ALG9: variants seen among roughly 807,000 people sequenced by gnomAD.
ALG9 encodes alpha-1,2-mannosyltransferase ALG9.
Under a neutral mutation model 81.8 loss-of-function variants are expected in ALG9, and 55 were observed. The ratio of observed to expected loss-of-function variants is 0.67; its 90% confidence interval spans 0.54 to 0.84. ALG9 has a LOEUF of 0.84. Among genes scored for constraint, ALG9 ranks in the 40% least tolerant of loss-of-function variants. The pLI, the probability that ALG9 is intolerant of heterozygous loss-of-function variation, is 0.00. For missense variants in ALG9, 629 were observed against 745.0 expected, an observed-to-expected ratio of 0.84 and a Z score of 1.81; for synonymous variants, 278 against 274.3, an observed-to-expected ratio of 1.01 and a Z score of -0.13.
intron 14 of ALG9, among the ~76,000 whole-genome samples, chr11:111,790,030 T>G (rs1679978476): frequency 1.3e-5 from 2 of 151,930 alleles, no homozygotes; most frequent in Admixed American, 6.6e-5. Flanking sequence ...AAAAAAAGAA[T>G]AATAATAAAA....
At chr11:111,794,078 T>G (rs1947874050) in intron 14 of ALG9, among the ~76,000 whole-genome samples, 1 of 152,170 alleles carries the variant, frequency 6.6e-6, no homozygotes, top group Admixed American at 6.5e-5. Flanking sequence ...ACAGCATAAT[T>G]AGCTCACGGC....
Position 111,838,294 on chromosome 11 carries a change from G to A in ALG9, c.1279C>T (p.Leu427=), listed in dbSNP as rs782543838. The part of the protein sequence containing the change: ...SNWLALGTVF[L]FGLLSFSRSV... The stretch of plus-strand genomic sequence containing the variant: ...CGAGAAAATGACAAGAGCCCAAACA[G>A]GAAGACAGTTCCTAATGCCAGCCAA... Residue 427 remains leucine (L), a synonymous_variant, in exon 11 of 15, where the codon CTG becomes TTG. Transcript: ENST00000616540. 6.2e-7 allele frequency: 1 copy of A among 1,614,142 alleles called. No individual in the cohort carries two copies. The highest frequency in any genetic ancestry group is 8.5e-7 in the Non-Finnish European group (1 of 1,180,018).
chr11:111,837,602 G>C lies in ALG9; in HGVS notation c.1338C>G (p.Pro446=), dbSNP rs782438743. The C allele has an allele frequency of 6.2e-7, 1 of 1,614,074 alleles. No individual in the cohort carries two copies. The highest frequency in any genetic ancestry group is 8.5e-7 in the Non-Finnish European group (1 of 1,179,960). ...GGTAAAATTCTGGATACAAATCAAG[G>C]GGCCCGTGATATCCTGGAAGGGAGA... ...SVALFRGYHG[P]LDLYPEFYRI... The change falls in exon 12 of 15, where the codon CCC becomes CCG. Residue 446 remains proline (P), a synonymous_variant. Coordinates refer to ENST00000616540, the MANE Select transcript of ALG9 (RefSeq NM_024740.2).
At chr11:111,807,812 G>A (rs1950149202) in intron 14 of ALG9, among the ~76,000 whole-genome samples, 1 of 152,158 alleles carries the variant, frequency 6.6e-6, no homozygotes, top group African/African-American at 2.4e-5. Flanking sequence ...TTTTTGTTAA[G>A]GCTGGGCACC....
At chr11:111,844,504 T>C in intron 9 of ALG9, 97 bp downstream of exon 9, 1 of 1,546,740 alleles carries the variant, frequency 6.5e-7, no homozygotes, top group Non-Finnish European at 8.9e-7. Context: ...AGGAAGAATG[T>C]GGAAAATAAA....
At chr11:111,864,159 G>C in intron 4 of ALG9, 1 of 541,888 alleles carries the variant, frequency 1.8e-6, no homozygotes, top group Non-Finnish European at 3.4e-6. Flanking sequence ...AAAAGAAAAA[G>C]AAGAGAACAA....
At chr11:111,864,750 G>C (rs1406311800) in intron 4 of ALG9, among the ~76,000 whole-genome samples, 1 of 151,640 alleles carries the variant, frequency 6.6e-6, no homozygotes, top group African/African-American at 2.4e-5. Context: ...ATATATATCA[G>C]GAGCTAGGAG....
intron 8 of ALG9, chr11:111,849,920 G>A (rs1367032932): frequency 2.0e-5 from 3 of 152,194 alleles, no homozygotes; most frequent in Non-Finnish European, 4.4e-5. Flanking sequence ...CCTGGAGCAG[G>A]AGACTCTTGT....
chr11:111,843,451 T>A (rs1956517987), intron 9 of ALG9, among the ~76,000 whole-genome samples: 1 of 152,214 alleles, frequency 6.6e-6, no homozygotes, highest in East Asian at 1.9e-4. Context: ...AATGGCATTA[T>A]GGCTACGTTG....
chr11:111,816,318 T>C (rs570241278), intron 13 of ALG9, among the ~76,000 whole-genome samples: 100 of 152,318 alleles, frequency 6.6e-4, no homozygotes, highest in Middle Eastern at 3.4e-3. Context: ...CATGTCCTTG[T>C]TCTTTTCTTT....
chr11:111,850,693 C>A (rs958332550), intron 8 of ALG9, among the ~76,000 whole-genome samples: 2 of 48,266 alleles, frequency 4.1e-5, no homozygotes, highest in Non-Finnish European at 6.1e-5. Context: ...GGTGACAGAG[C>A]GAGATACTGT....
intron 14 of ALG9, among the ~76,000 whole-genome samples, chr11:111,788,021 A>T (rs1555066786): frequency 1.3e-5 from 2 of 152,132 alleles, no homozygotes; most frequent in Admixed American, 1.3e-4. Flanking sequence ...AGTTGTAGTG[A>T]TAGTTTTAAA....
intron 6 of ALG9, among the ~76,000 whole-genome samples, chr11:111,855,775 A>G (rs1958566781): frequency 6.6e-6 from 1 of 152,222 alleles, no homozygotes. Context: ...AGATAGCAGA[A>G]AGTACAGAAG....
intron 13 of ALG9, among the ~76,000 whole-genome samples, chr11:111,831,911 C>T (rs544181943): frequency 9.2e-5 from 14 of 152,240 alleles, no homozygotes; most frequent in East Asian, 3.9e-4. Context: ...ACACTTTGAG[C>T]GTAATTTAAT....
intron 13 of ALG9, among the ~76,000 whole-genome samples, chr11:111,834,342 A>G: frequency 6.6e-6 from 1 of 152,192 alleles, no homozygotes; most frequent in East Asian, 1.9e-4. Flanking sequence ...GAGTCTGGAG[A>G]CACTGGAATA....
At chr11:111,864,727 AT>A (rs1664279233) in intron 4 of ALG9, among the ~76,000 whole-genome samples, 1 of 152,180 alleles carries the variant, frequency 6.6e-6, no homozygotes, top group Non-Finnish European at 1.5e-5. Context: ...AGAAAAAAAA[AT>A]ATGTATATGA....
intron 14 of ALG9, among the ~76,000 whole-genome samples, chr11:111,800,325 C>T (rs1478638021): frequency 6.6e-6 from 1 of 151,510 alleles, no homozygotes; most frequent in African/African-American, 2.4e-5. Flanking sequence ...CTAAAAAATA[C>T]AAAAAATCAG....
downstream of ALG9, among the ~76,000 whole-genome samples, chr11:111,781,268 GTCCATGGCATAA>G (rs1555056808): frequency 6.6e-6 from 1 of 152,120 alleles, no homozygotes; most frequent in Admixed American, 6.5e-5. Flanking sequence ...AGGGTATAAA[GTCCATGGCATAA>G]CAAGGACATT....
intron 14 of ALG9, among the ~76,000 whole-genome samples, chr11:111,807,637 T>C (rs1555086476): frequency 6.6e-6 from 1 of 152,242 alleles, no homozygotes. Flanking sequence ...CTTTGTTTTA[T>C]TCACTATATG....
Sources: allele counts gnomAD v4.1 joint callset (sites outside exome capture counted in the v4.1 genomes callset), GRCh38; gene constraint gnomAD v4.1.1; transcripts MANE v1.5; gene names NCBI Gene and HGNC (gene_info 2026-07-23, HGNC 2026-07-21).